The following TXNDC16 variants were observed in gnomAD, a reference collection of about 807,000 sequenced individuals.
The protein encoded by TXNDC16 is thioredoxin domain containing 16.
A neutral mutation model predicts 85.6 loss-of-function variants in TXNDC16; 74 were observed. The observed-to-expected ratio is 0.86, with a 90% CI of 0.72 to 1.05. The LOEUF is 1.05. TXNDC16 is among the 50% of genes least tolerant of loss of function. The pLI, the probability that TXNDC16 is intolerant of heterozygous loss-of-function variation, is 0.00. For missense variants in TXNDC16, 959 were observed against 947.0 expected (o/e 1.01, Z -0.17); for synonymous variants, 335 against 326.5 (o/e 1.03, Z -0.28).
At chr14:52,449,413 T>C (rs1166406119) in intron 18 of TXNDC16, among the ~76,000 whole-genome samples, 3 of 152,124 alleles carry the variant, frequency 2.0e-5, no homozygotes, top group African/African-American at 7.2e-5. Flanking sequence ...ATTGTAAATA[T>C]ATATGCACCC....
chr14:52,451,779 G>A (rs748153652), intron 18 of TXNDC16, among the ~76,000 whole-genome samples: 3 of 152,100 alleles, frequency 2.0e-5, no homozygotes, highest in South Asian at 2.1e-4. Context: ...GATCTGGAAC[G>A]TGACAAGGAT....
At chr14:52,546,641 A>T (rs1475357500) in intron 1 of TXNDC16, among the ~76,000 whole-genome samples, 1 of 152,280 alleles carries the variant, frequency 6.6e-6, no homozygotes, top group African/African-American at 2.4e-5. Flanking sequence ...GAGCATGAGC[A>T]TAACAGAGAA....
chr14:52,549,409 G>A (rs922649576), intron 1 of TXNDC16, among the ~76,000 whole-genome samples: 8 of 152,142 alleles, frequency 5.3e-5, no homozygotes, highest in Non-Finnish European at 8.8e-5. Flanking sequence ...TGTTAAAGGC[G>A]ACAAAAGTGT....
intron 7 of TXNDC16, among the ~76,000 whole-genome samples, chr14:52,518,826 A>C (rs1351120676): frequency 6.6e-6 from 1 of 152,018 alleles, no homozygotes; most frequent in Non-Finnish European, 1.5e-5. Flanking sequence ...TATTTAATTA[A>C]AATAATTTAT....
rs755179319 is a variant in TXNDC16 at position 52,482,846 on chromosome 14, T to A, written c.1228A>T (p.Ser410Cys). 1 of 1,611,760 alleles carries A rather than the reference T, an allele frequency of 6.2e-7. No homozygotes were observed. Among genetic ancestry groups the A allele is most frequent in the Non-Finnish European group, 8.5e-7 (1 of 1,179,276 alleles). ...CAACCAGCATAGAAGAGTACTATGCTGTCAGAAGCCATCACTGTTGCATTA... is the reference window on the plus strand; with the variant it reads ...CAACCAGCATAGAAGAGTACTATGCAGTCAGAAGCCATCACTGTTGCATTA... ...TFNATVMASD[S>C]IVLFYAGWQA... is the part of the protein sequence containing the mutation. Residue 410 changes from serine to cysteine, a missense_variant, in exon 13 of 21, where the codon AGC (serine) becomes TGC (cysteine). By Grantham distance (112) the Ser-to-Cys change is moderately radical. Coordinates refer to ENST00000281741, the MANE Select transcript of TXNDC16 (RefSeq NM_020784.3).
Position 52,514,983 on chromosome 14 carries a change from T to C in TXNDC16, c.515-13A>G, listed in dbSNP as rs767780627. On this transcript the variant is annotated splice_polypyrimidine_tract_variant and intron_variant, in intron 7 of 20. Coordinates refer to ENST00000281741, the MANE Select transcript of TXNDC16 (RefSeq NM_020784.3). ...ACTGCTCTGTGCTCTGAAGAAGAGATAAAGGGAGTTGGAAGACAGGAAAAA... is the reference window on the plus strand; with the variant it reads ...ACTGCTCTGTGCTCTGAAGAAGAGACAAAGGGAGTTGGAAGACAGGAAAAA... The C allele has an allele frequency of 6.3e-7, 1 of 1,598,702 alleles. No individual in the cohort carries two copies. Among genetic ancestry groups the C allele is most frequent in the African/African-American group, 1.3e-5 (1 of 74,276 alleles).
chr14:52,514,557 T>C (rs550921743), intron 8 of TXNDC16, among the ~76,000 whole-genome samples: 57 of 152,290 alleles, frequency 3.7e-4, no homozygotes, highest in Middle Eastern at 3.4e-3. Flanking sequence ...AGCCTCATTT[T>C]GAAAGCTGTT....
chr14:52,534,287 TC>T (rs144577955), intron 6 of TXNDC16, among the ~76,000 whole-genome samples: 1 of 152,230 alleles, frequency 6.6e-6, no homozygotes, highest in East Asian at 1.9e-4. Flanking sequence ...CCCAACTACT[TC>T]TAACCTCTAT....
intron 14 of TXNDC16, among the ~76,000 whole-genome samples, chr14:52,479,513 C>G (rs1334243778): frequency 6.6e-6 from 1 of 151,960 alleles, no homozygotes; most frequent in Admixed American, 6.6e-5. Flanking sequence ...CTTCTATACA[C>G]CAACAGCGAC....
At chr14:52,471,568 C>T (rs189702235) in intron 14 of TXNDC16, among the ~76,000 whole-genome samples, 46 of 152,244 alleles carry the variant, frequency 3.0e-4, no homozygotes, top group African/African-American at 1.1e-3. Flanking sequence ...TTCCTTATCT[C>T]CTTATGTAAT....
chr14:52,504,477 A>G (rs1177917344), intron 9 of TXNDC16, among the ~76,000 whole-genome samples: 1 of 152,202 alleles, frequency 6.6e-6, no homozygotes, highest in Non-Finnish European at 1.5e-5. Context: ...ACTAAGCTTC[A>G]TAAGTGAAGG....
intron 9 of TXNDC16, among the ~76,000 whole-genome samples, chr14:52,510,181 G>A (rs2036923271): frequency 6.6e-6 from 1 of 152,130 alleles, no homozygotes; most frequent in South Asian, 2.1e-4. Flanking sequence ...AAGGGCAAGG[G>A]AGCTGAGATG....
At chr14:52,452,585 G>T (rs2035437605) in intron 18 of TXNDC16, among the ~76,000 whole-genome samples, 1 of 152,152 alleles carries the variant, frequency 6.6e-6, no homozygotes, top group Non-Finnish European at 1.5e-5. Context: ...ATTGGGGAAA[G>T]AATAATTTCT....
intron 8 of TXNDC16, among the ~76,000 whole-genome samples, chr14:52,512,242 G>T (rs560349318): frequency 8.5e-5 from 13 of 152,132 alleles, no homozygotes; most frequent in Non-Finnish European, 1.6e-4. Flanking sequence ...ACAGATAAAG[G>T]TAAATAAAAC....
At chr14:52,467,911 C>T (rs1027782834) in intron 16 of TXNDC16, among the ~76,000 whole-genome samples, 1 of 152,112 alleles carries the variant, frequency 6.6e-6, no homozygotes, top group Non-Finnish European at 1.5e-5. Context: ...GAATACTATT[C>T]GGCCTAAATT....
intron 18 of TXNDC16, among the ~76,000 whole-genome samples, chr14:52,452,136 T>G (rs1225576728): frequency 1.3e-5 from 2 of 152,034 alleles, no homozygotes. Context: ...AAGTGAAAGA[T>G]CTCTACGATG....
At position 52,542,450 on chromosome 14, in the gene TXNDC16, G is replaced by C. The variant is rs748517262; in HGVS notation, c.164C>G (p.Ser55Cys). 6.2e-7 allele frequency: 1 copy of C among 1,610,226 alleles called. No homozygotes were observed. The highest frequency in any genetic ancestry group is 1.7e-5 in the Admixed American group (1 of 59,598). Residue 55 changes from serine (S) to cysteine (C), a missense_variant, in exon 4 of 21, where the codon TCC becomes TGC. Transcript: ENST00000281741. ...ASLAYFCQAD[S>C]PRTSVFLEEL... The stretch of plus-strand genomic sequence containing the variant: ...TTCAAGAAATACAGATGTTCTTGGG[G>C]AATCTAAAACAACAAATGTTTCATG...
At chr14:52,464,874 G>C (rs1202476252) in intron 16 of TXNDC16, among the ~76,000 whole-genome samples, 1 of 152,128 alleles carries the variant, frequency 6.6e-6, no homozygotes, top group Non-Finnish European at 1.5e-5. Context: ...GGGAGGTGGA[G>C]GTTGCAGTGA....
At chr14:52,470,989 T>C (rs889229952) in intron 14 of TXNDC16, among the ~76,000 whole-genome samples, 1 of 152,204 alleles carries the variant, frequency 6.6e-6, no homozygotes, top group African/African-American at 2.4e-5. Context: ...TCAATAACCA[T>C]AGACAATCTA....
Sources: allele counts gnomAD v4.1 joint callset (sites outside exome capture counted in the v4.1 genomes callset), GRCh38; gene constraint gnomAD v4.1.1; transcripts MANE v1.5; gene names NCBI Gene and HGNC (gene_info 2026-07-23, HGNC 2026-07-21).